The following MYO1D variants were observed in gnomAD, a reference collection of about 807,000 sequenced individuals.
The protein encoded by MYO1D is unconventional myosin-Id.
In MYO1D, 83 loss-of-function variants were observed where a neutral mutation model predicts 122.0. The ratio of observed to expected loss-of-function variants is 0.68; its 90% CI spans 0.57 to 0.82. The LOEUF (loss-of-function observed/expected upper bound fraction) is 0.82. Ranked by LOEUF, MYO1D falls within the 40% of genes least tolerant of loss-of-function variation. The probability of loss-of-function intolerance (pLI) is 0.00; values close to 1 mark genes in which losing one functional copy is unlikely to be tolerated. For missense variants in MYO1D, 1,157 were observed against 1,269.5 expected (o/e 0.91, Z 1.35); for synonymous variants, 464 against 446.9 (o/e 1.04, Z -0.48).
chr17:32,789,438 T>C (rs544251783), intron 1 of MYO1D, among the ~76,000 whole-genome samples: 37 of 152,270 alleles, frequency 2.4e-4, no homozygotes, highest in Admixed American at 2.0e-3. Flanking sequence ...AATGGTGACA[T>C]TTCAAAACAG....
At chr17:32,818,185 T>C (rs536753808) in intron 1 of MYO1D, among the ~76,000 whole-genome samples, 144 of 145,404 alleles carry the variant, frequency 9.9e-4, no homozygotes, top group Admixed American at 1.9e-3. Context: ...TGTGAAAGAG[T>C]TGAGATTCAC....
At chr17:32,719,543 G>T (rs879266864) in intron 15 of MYO1D, among the ~76,000 whole-genome samples, 6 of 151,916 alleles carry the variant, frequency 3.9e-5, no homozygotes, top group Admixed American at 3.9e-4. Flanking sequence ...GTAGAGATGG[G>T]GTTTCACCTT....
intron 11 of MYO1D, among the ~76,000 whole-genome samples, chr17:32,753,758 C>T (rs2089920784): frequency 6.6e-6 from 1 of 152,048 alleles, no homozygotes; most frequent in Admixed American, 6.5e-5. Context: ...ATTAGCTGGG[C>T]ATGATGGCAG....
intron 1 of MYO1D, among the ~76,000 whole-genome samples, chr17:32,861,454 C>G (rs1397382510): frequency 6.6e-6 from 1 of 152,148 alleles, no homozygotes; most frequent in Non-Finnish European, 1.5e-5. Context: ...AAACATTCAG[C>G]CATCTCCCAG....
At chr17:32,772,041 A>C (rs1257408565) in intron 5 of MYO1D, among the ~76,000 whole-genome samples, 1 of 152,232 alleles carries the variant, frequency 6.6e-6, no homozygotes, top group Non-Finnish European at 1.5e-5. Context: ...TATACAAATG[A>C]GTAGTGTCTA....
chr17:32,789,700 G>T (rs532841608), intron 1 of MYO1D, among the ~76,000 whole-genome samples: 1 of 152,280 alleles, frequency 6.6e-6, no homozygotes, highest in Non-Finnish European at 1.5e-5. Flanking sequence ...AATGCCCCAC[G>T]AAGGGAGAGA....
intron 1 of MYO1D, among the ~76,000 whole-genome samples, chr17:32,829,478 G>A (rs1313579559): frequency 6.6e-6 from 1 of 152,210 alleles, no homozygotes; most frequent in Non-Finnish European, 1.5e-5. Context: ...TTTGGAGACA[G>A]AGTCTTGCTC....
chr17:32,696,223 G>A (rs1006871236), intron 16 of MYO1D, among the ~76,000 whole-genome samples: 2 of 151,772 alleles, frequency 1.3e-5, no homozygotes, highest in Non-Finnish European at 2.9e-5. Context: ...TGTTCACTGT[G>A]GCATTTCACA....
chr17:32,495,370 G>A (rs764463990), intron 21 of MYO1D, among the ~76,000 whole-genome samples: 6 of 152,252 alleles, frequency 3.9e-5, no homozygotes, highest in Non-Finnish European at 8.8e-5. Flanking sequence ...CCCGGCTGGT[G>A]GAAGTGGGCC....
intron 17 of MYO1D, among the ~76,000 whole-genome samples, chr17:32,657,730 C>T (rs1434008543): frequency 1.3e-5 from 2 of 152,252 alleles, no homozygotes; most frequent in Non-Finnish European, 2.9e-5. Flanking sequence ...GTGCCTGCAA[C>T]ACAGCAGACA....
intron 1 of MYO1D, among the ~76,000 whole-genome samples, chr17:32,790,746 C>T (rs1488581830): frequency 6.6e-6 from 1 of 152,152 alleles, no homozygotes; most frequent in African/African-American, 2.4e-5. Context: ...AGAATCAGTA[C>T]AAACTCATAG....
At position 32,771,076 on chromosome 17, in the gene MYO1D, T is replaced by A. The variant is rs193091935; in HGVS notation, c.714+49A>T. On this transcript the variant is annotated intron_variant, in intron 6 of 21. Transcript: ENST00000318217. ...GATAATTATTGAATGTCTCTTCTAA[T>A]CCTTTGACTGATTTTCTATTGGAGC... 6.5e-6 allele frequency: 9 copies of A among 1,393,306 alleles called. No homozygotes were observed. In the African/African-American group the frequency reaches 1.3e-4, roughly 20 times the overall value. 86.3% of individuals were successfully genotyped at this position (1,393,306 alleles called of 1,614,324 possible).
intron 16 of MYO1D, among the ~76,000 whole-genome samples, chr17:32,695,947 G>C (rs193053058): frequency 9.2e-5 from 14 of 152,280 alleles, no homozygotes; most frequent in African/African-American, 3.1e-4. Context: ...ACTTTTAGGG[G>C]ATCTTCAAGA....
At position 32,737,803 on chromosome 17, in the gene MYO1D, A is replaced by G. The variant is rs541970121; in HGVS notation, c.1746+450T>C. On this transcript the variant is annotated intron_variant, in intron 14 of 21. Transcript: ENST00000318217. ...ATATTTCAATTATTTAAAACAGCCT[A>G]AGGACAATACTTGCATCCTAAATTT... is the stretch of plus-strand genomic sequence containing the variant. Among the ~76,000 whole-genome samples the G allele has an allele frequency of 3.7e-4, 56 of 152,330 alleles. No homozygotes were observed. In the South Asian group the frequency reaches 0.012, roughly 32 times the overall value.
intron 21 of MYO1D, chr17:32,602,475 C>T (rs1474997069): frequency 6.6e-6 from 1 of 152,114 alleles, no homozygotes; most frequent in Non-Finnish European, 1.5e-5. Flanking sequence ...TTAGGTGGTA[C>T]CAGAGCAGCA....
At chr17:32,667,531 C>A (rs904062619) in intron 16 of MYO1D, among the ~76,000 whole-genome samples, 2 of 151,932 alleles carry the variant, frequency 1.3e-5, no homozygotes, top group Non-Finnish European at 2.9e-5. Context: ...ACAAAAGAAC[C>A]AAATCTTTAG....
intron 1 of MYO1D, among the ~76,000 whole-genome samples, chr17:32,816,199 AGAGTC>A (rs2090612031): frequency 6.6e-6 from 1 of 152,224 alleles, no homozygotes; most frequent in South Asian, 2.1e-4. Flanking sequence ...GATCAAACTT[AGAGTC>A]AAGTGAGGAA....
Position 32,790,695 on chromosome 17 carries a change from G to A in MYO1D, c.96-9911C>T, listed in dbSNP as rs573405824. Among the ~76,000 whole-genome samples, 3 of 152,320 alleles carry A rather than the reference G, an allele frequency of 2.0e-5. No homozygotes were observed. In the East Asian group the frequency reaches 5.8e-4, roughly 29 times the overall value. On this transcript the variant is annotated intron_variant, in intron 1 of 21. Transcript: ENST00000318217. ...CTGAGACAGACTTTTCATTGCTGGA[G>A]AAGAAGGTCACAGAATATATGGGTC... is the stretch of plus-strand genomic sequence containing the variant.
intron 21 of MYO1D, among the ~76,000 whole-genome samples, chr17:32,544,569 T>A (rs2086948432): frequency 6.6e-6 from 1 of 152,244 alleles, no homozygotes; most frequent in African/African-American, 2.4e-5. Flanking sequence ...GAAGGTACTC[T>A]TAGAGAATAC....
Sources: gnomAD v4.1 joint callset for allele counts (sites outside exome capture counted in the v4.1 genomes callset) on GRCh38, gnomAD v4.1.1 for gene constraint, MANE v1.5 for transcripts, NCBI Gene and HGNC (gene_info 2026-07-23, HGNC 2026-07-21) for gene names.